The following PDCD2L variants were observed in gnomAD, a reference collection of about 807,000 sequenced individuals.
PDCD2L encodes the protein uS5 assembly chaperone PDCD2L.
Under a neutral mutation model 40.4 loss-of-function variants are expected in PDCD2L, and 44 were observed. That is an observed-to-expected ratio of 1.09 (90% CI 0.86 to 1.40). The LOEUF is 1.40. PDCD2L is among the 40% of genes most tolerant of loss of function. PDCD2L has a pLI of 0.00. For synonymous variants in PDCD2L, 194 were observed against 174.6 expected, an observed-to-expected ratio of 1.11 and a Z score of -0.88; for missense variants, 470 against 453.7, an observed-to-expected ratio of 1.04 and a Z score of -0.33.
intron 6 of PDCD2L, 119 bp downstream of exon 6, chr19:34,421,786 A>C: frequency 6.0e-6 from 8 of 1,343,378 alleles, no homozygotes; most frequent in Non-Finnish European, 8.0e-6. Context: ...TTGGGAATTA[A>C]AAAATTATTT....
intron 5 of PDCD2L, among the ~76,000 whole-genome samples, chr19:34,420,477 A>G (rs1156550500): frequency 1.3e-5 from 2 of 152,084 alleles, no homozygotes; most frequent in African/African-American, 4.8e-5. Context: ...ACCAGAAATT[A>G]CATATCGAAC....
chr19:34,404,899 G>T, intron 2 of PDCD2L, 31 bp from the exon 3 acceptor site: 1 of 1,613,436 alleles, frequency 6.2e-7, no homozygotes, highest in South Asian at 1.1e-5. Context: ...TCGGGGTGCA[G>T]CCCTCACGGC....
chr19:34,417,017 G>A (rs951957567), intron 5 of PDCD2L, among the ~76,000 whole-genome samples: 3 of 152,114 alleles, frequency 2.0e-5, no homozygotes, highest in African/African-American at 2.4e-5. Context: ...AGGAGACTAA[G>A]GCAGGAGAAT....
intron 2 of PDCD2L, 41 bp downstream of exon 2, chr19:34,404,856 T>G: frequency 6.2e-7 from 1 of 1,607,390 alleles, no homozygotes; most frequent in Non-Finnish European, 8.5e-7. Flanking sequence ...GGGTGTCCTT[T>G]CCAGCGGGCT....
chr19:34,414,814 TA>T lies in PDCD2L; in HGVS notation c.797+968del, dbSNP rs1159671680. 3.9e-5 allele frequency among the ~76,000 whole-genome samples: 6 copies of T among 152,062 alleles called. No individual in the cohort carries two copies. The South Asian group carries it at 6.3e-4, about 16-fold the overall frequency. The stretch of plus-strand genomic sequence containing the variant: ...TGGACTATTATTATTATTAAAAAAA[TA>T]TTTTTTTAGAGAGAGGGTCTCAGTC... On this transcript the variant is annotated intron_variant, in intron 5 of 6. Coordinates refer to ENST00000246535, the MANE Select transcript of PDCD2L (RefSeq NM_032346.2).
intron 4 of PDCD2L, 45 bp from the exon 5 acceptor site, chr19:34,413,692 T>C (rs1206309029): frequency 8.7e-7 from 1 of 1,154,462 alleles, no homozygotes. Flanking sequence ...TGCTGTAATT[T>C]TCTGGATATA....
At chr19:34,422,660 A>C (rs541492332) in intron 6 of PDCD2L, among the ~76,000 whole-genome samples, 1 of 152,294 alleles carries the variant, frequency 6.6e-6, no homozygotes, top group African/African-American at 2.4e-5. Flanking sequence ...AAATTTTTGT[A>C]CAAATTAACA....
intron 3 of PDCD2L, among the ~76,000 whole-genome samples, chr19:34,405,220 C>T (rs557276045): frequency 6.8e-5 from 10 of 146,362 alleles, no homozygotes; most frequent in Non-Finnish European, 1.5e-4. Flanking sequence ...GATCTCGGCT[C>T]ACCGCAACCT....
chr19:34,415,785 C>T (rs2075124045), intron 5 of PDCD2L, among the ~76,000 whole-genome samples: 2 of 152,186 alleles, frequency 1.3e-5, no homozygotes, highest in Admixed American at 6.5e-5. Flanking sequence ...GAGTGTTTAA[C>T]ATATATATTT....
Position 34,426,164 on chromosome 19 carries a change from C to A in PDCD2L, c.*44C>A. 1 of 1,414,810 alleles carries A rather than the reference C, an allele frequency of 7.1e-7. No homozygotes were observed. Among genetic ancestry groups the A allele is most frequent in the South Asian group, 1.2e-5 (1 of 82,040 alleles). The allele number at this position is 1,414,810 out of a possible 1,614,324, so 87.6% of individuals were successfully genotyped here. ...TATAAATTAAAACAAATGTTTACATCCAAATATGTTTGTATGTACCTTATT... is the reference window on the plus strand; with the variant it reads ...TATAAATTAAAACAAATGTTTACATACAAATATGTTTGTATGTACCTTATT... On this transcript the variant is annotated 3_prime_UTR_variant, in exon 7 of 7. Coordinates refer to ENST00000246535, the MANE Select transcript of PDCD2L (RefSeq NM_032346.2).
At chr19:34,424,358 G>C (rs1478732360) in intron 6 of PDCD2L, among the ~76,000 whole-genome samples, 1 of 152,058 alleles carries the variant, frequency 6.6e-6, no homozygotes, top group East Asian at 1.9e-4. Flanking sequence ...CTCCTCCGAA[G>C]AAAGAATTTG....
rs2075067626 is a variant in PDCD2L, at chr19:34,405,060, GC to G, written c.336+71del. ...GATATTTTCCAGAGAATAGTTTGGGGCAGACTTTAAAGCCGTGTTCTTTGAA... is the reference window on the plus strand; with the variant it reads ...GATATTTTCCAGAGAATAGTTTGGGGAGACTTTAAAGCCGTGTTCTTTGAA... On this transcript the variant is annotated intron_variant, in intron 3 of 6. Transcript: ENST00000246535. The G allele has an allele frequency of 3.2e-6, 5 of 1,557,766 alleles. No homozygotes were observed. The South Asian group carries it at 5.7e-5, about 18-fold the overall frequency.
At chr19:34,411,162 C>A (rs1338045944) in intron 4 of PDCD2L, among the ~76,000 whole-genome samples, 2 of 61,756 alleles carry the variant, frequency 3.2e-5, no homozygotes, top group Admixed American at 1.6e-4. Context: ...GAGTATTCTT[C>A]TTTTTTTTTT....
chr19:34,409,475 A>C lies in PDCD2L; in HGVS notation c.651A>C (p.Arg217Ser). Residue 217 changes from arginine to serine, a missense_variant, in exon 4 of 7, where the codon AGA becomes AGC. By Grantham distance (110) the Arg-to-Ser change is moderately radical. Coordinates refer to ENST00000246535, the MANE Select transcript of PDCD2L (RefSeq NM_032346.2). ...AHSLLRDYQQ[R>S]EGIAMDQLLS... ...GCCTTCTGAGGGACTATCAGCAGAG[A>C]GAAGGCATTGCCATGGATCAGTTGC... The C allele has an allele frequency of 6.2e-7, 1 of 1,614,118 alleles. No homozygotes were observed. Among genetic ancestry groups the C allele is most frequent in the East Asian group, 2.2e-5 (1 of 44,884 alleles).
At chr19:34,417,228 A>AG (rs1426394923) in intron 5 of PDCD2L, among the ~76,000 whole-genome samples, 3 of 152,252 alleles carry the variant, frequency 2.0e-5, no homozygotes, top group Non-Finnish European at 2.9e-5. Context: ...CTCAAAGGTG[A>AG]GAAAATAAAG....
Position 34,409,354 on chromosome 19 carries a change from C to G in PDCD2L, c.530C>G (p.Pro177Arg). Residue 177 changes from proline to arginine, a missense_variant, in exon 4 of 7, where the codon CCT (proline) becomes CGT (arginine). Coordinates refer to ENST00000246535, the MANE Select transcript of PDCD2L (RefSeq NM_032346.2). ...GATGCTGTCCTGGGTGCTGCCCATCCTGTGCCTCCTGGGCTGCCGCTCTTC... is the reference window on the plus strand; with the variant it reads ...GATGCTGTCCTGGGTGCTGCCCATCGTGTGCCTCCTGGGCTGCCGCTCTTC... ...LQDAVLGAAH[P>R]VPPGLPLFLP... 6.2e-7 allele frequency: 1 copy of G among 1,614,188 alleles called. No individual in the cohort carries two copies. The highest frequency in any genetic ancestry group is 2.2e-5 in the East Asian group (1 of 44,892).
At position 34,413,746 on chromosome 19, in the gene PDCD2L, T is replaced by C. The variant is rs780610744; in HGVS notation, c.696T>C (p.Asn232=). ...MDQLLSQSLP[N]DGDEKYEKTI... ...CTGCTTCTGTTTTTAGCCTTCCTAA[T>C]GATGGTGATGAAAAATATGAGAAGA... is the stretch of plus-strand genomic sequence containing the variant. Residue 232 remains asparagine, a synonymous_variant, in exon 5 of 7, where the codon AAT becomes AAC. Transcript: ENST00000246535. 2 of 1,573,946 alleles carry C rather than the reference T, an allele frequency of 1.3e-6. No individual in the cohort carries two copies. The highest frequency in any genetic ancestry group is 2.7e-5 in the African/African-American group (2 of 73,818).
chr19:34,409,642 C>T, intron 4 of PDCD2L, 132 bp downstream of exon 4: 1 of 708,474 alleles, frequency 1.4e-6, no homozygotes, highest in Non-Finnish European at 2.3e-6. Flanking sequence ...TTTTGCTTCA[C>T]TTCCTTATCA....
intron 6 of PDCD2L, among the ~76,000 whole-genome samples, chr19:34,425,723 T>G (rs1436578776): frequency 6.6e-6 from 1 of 152,202 alleles, no homozygotes; most frequent in Non-Finnish European, 1.5e-5. Flanking sequence ...CAACATCAGA[T>G]AGCTAGACAG....
Sources: gnomAD v4.1 joint callset for allele counts (sites outside exome capture counted in the v4.1 genomes callset) on GRCh38, gnomAD v4.1.1 for gene constraint, MANE v1.5 for transcripts, NCBI Gene and HGNC (gene_info 2026-07-23, HGNC 2026-07-21) for gene names.